Variants in GLYATL2 observed in about 807,000 individuals in gnomAD.
The protein encoded by GLYATL2 is glycine-N-acyltransferase like 2.
GLYATL2 carries 25 observed loss-of-function variants against 21.4 expected under a neutral mutation model. The observed-to-expected ratio is 1.17, with a 90% CI of 0.85 to 1.63. GLYATL2 has a LOEUF of 1.63. Ranked by LOEUF, GLYATL2 falls within the 40% of genes most tolerant of loss-of-function variation. The pLI is 0.00. For missense variants in GLYATL2, 361 were observed against 343.3 expected, an observed-to-expected ratio of 1.05 and a Z score of -0.41; for synonymous variants, 114 against 118.2, an observed-to-expected ratio of 0.96 and a Z score of 0.23.
upstream of GLYATL2, among the ~76,000 whole-genome samples, chr11:58,848,864 C>A (rs1415356699): frequency 6.6e-6 from 1 of 152,122 alleles, no homozygotes; most frequent in Non-Finnish European, 1.5e-5. Flanking sequence ...AGTTGTAGAA[C>A]ACCAAGCAGA....
At chr11:58,886,404 T>C (rs1854440640) in intron 1 of GLYATL2, among the ~76,000 whole-genome samples, 1 of 152,174 alleles carries the variant, frequency 6.6e-6, no homozygotes, top group Admixed American at 6.5e-5. Context: ...ATCACATAGC[T>C]GCTGGATACC....
At position 58,839,630 on chromosome 11, in the gene GLYATL2, C is replaced by T; in HGVS notation, c.-18G>A. ...ACAAGCATCTTATGTAGCACTTCAG[C>T]TTCTTTCCCTCAAGAAGATGATCTA... On this transcript the variant is annotated 5_prime_UTR_variant, in exon 2 of 6. Transcript: ENST00000287275. 1.9e-6 allele frequency: 3 copies of T among 1,580,728 alleles called. No homozygotes were observed. Among genetic ancestry groups the T allele is most frequent in the Non-Finnish European group, 2.6e-6 (3 of 1,154,672 alleles).
chr11:58,863,454 C>T (rs1853967780), intron 1 of GLYATL2, among the ~76,000 whole-genome samples: 1 of 152,190 alleles, frequency 6.6e-6, no homozygotes, highest in Admixed American at 6.5e-5. Flanking sequence ...CTAGAGCCTT[C>T]ATCCATGATG....
At chr11:58,901,896 A>G (rs887331489) in intron 1 of GLYATL2, among the ~76,000 whole-genome samples, 16 of 152,134 alleles carry the variant, frequency 1.1e-4, no homozygotes, top group Admixed American at 9.8e-4. Context: ...ATGAGGATGG[A>G]AGTGAAGTCA....
At chr11:58,854,446 T>C (rs1051487700) in intron 1 of GLYATL2, among the ~76,000 whole-genome samples, 11 of 152,238 alleles carry the variant, frequency 7.2e-5, no homozygotes, top group Non-Finnish European at 1.5e-5. Flanking sequence ...CCAATTGCAT[T>C]ATGTCTTTAA....
At chr11:58,903,250 G>T (rs73481071) in intron 1 of GLYATL2, among the ~76,000 whole-genome samples, 8,641 of 152,186 alleles carry the variant, frequency 0.057, 606 homozygotes, top group African/African-American at 0.17. Flanking sequence ...AGTGGTTCAA[G>T]GGGAGGTAAA....
intron 1 of GLYATL2, among the ~76,000 whole-genome samples, chr11:58,886,355 C>G (rs1176843408): frequency 6.6e-6 from 1 of 152,172 alleles, no homozygotes; most frequent in Non-Finnish European, 1.5e-5. Flanking sequence ...ATTAATATTT[C>G]CAATTTAGAG....
At chr11:58,908,700 C>T (rs185279329), upstream of GLYATL2, 10 of 152,358 alleles carry the variant, frequency 6.6e-5, no homozygotes, top group Middle Eastern at 3.4e-3. Context: ...CACATAAGTG[C>T]TTGTGTAAAG....
At chr11:58,858,790 A>G (rs1223438074) in intron 1 of GLYATL2, among the ~76,000 whole-genome samples, 3 of 152,322 alleles carry the variant, frequency 2.0e-5, no homozygotes, top group South Asian at 4.1e-4. Context: ...AGGAATACCT[A>G]CAGCTTCTGG....
intron 1 of GLYATL2, among the ~76,000 whole-genome samples, chr11:58,862,319 A>T (rs907382658): frequency 3.3e-5 from 5 of 152,266 alleles, no homozygotes; most frequent in African/African-American, 1.2e-4. Context: ...AAACACTTTT[A>T]ATGTTCCTAT....
At chr11:58,883,284 T>C (rs1471330433) in intron 1 of GLYATL2, among the ~76,000 whole-genome samples, 1 of 152,116 alleles carries the variant, frequency 6.6e-6, no homozygotes, top group East Asian at 1.9e-4. Flanking sequence ...CAGGAGCTGG[T>C]TTTTTGAAAA....
chr11:58,865,487 G>C (rs377447698), intron 1 of GLYATL2, among the ~76,000 whole-genome samples: 4 of 149,004 alleles, frequency 2.7e-5, no homozygotes, highest in African/African-American at 9.7e-5. Context: ...GATATTTGGA[G>C]CCACAAAATG....
At chr11:58,864,194 A>C (rs1432566227) in intron 1 of GLYATL2, among the ~76,000 whole-genome samples, 2 of 152,122 alleles carry the variant, frequency 1.3e-5, no homozygotes, top group African/African-American at 4.8e-5. Flanking sequence ...ATCTATGGAC[A>C]CTGGCCTGGT....
intron 1 of GLYATL2, among the ~76,000 whole-genome samples, chr11:58,858,270 T>C (rs1345821620): frequency 7.2e-5 from 11 of 152,202 alleles, no homozygotes; most frequent in Non-Finnish European, 1.3e-4. Flanking sequence ...GAGATGAGCC[T>C]ACTTTGGAAA....
rs183192750 is a variant in GLYATL2 at position 58,834,292 on chromosome 11, C to G, written c.*137G>C. On this transcript the variant is annotated 3_prime_UTR_variant, in exon 6 of 6. Coordinates refer to ENST00000287275, the MANE Select transcript of GLYATL2 (RefSeq NM_145016.4). ...AATACAGAGGAGAAGGAAGGTAAAA[C>G]TGTTAAGGGTGAGCTTAAGTAATAC... is the stretch of plus-strand genomic sequence containing the variant. The G allele has an allele frequency of 1.6e-6, 1 of 618,382 alleles. No homozygotes were observed. The highest frequency in any genetic ancestry group is 2.9e-5 in the South Asian group (1 of 34,660). 38.3% of individuals were successfully genotyped at this position (618,382 alleles called of 1,614,324 possible). A position where few individuals can be genotyped will look rare whatever the true frequency, so the allele number is the denominator to read the frequency against.
upstream of GLYATL2, among the ~76,000 whole-genome samples, chr11:58,848,276 C>T (rs1853679093): frequency 6.6e-6 from 1 of 152,120 alleles, no homozygotes; most frequent in South Asian, 2.1e-4. Flanking sequence ...ACACCTAACT[C>T]TTCAGTGCTC....
At chr11:58,905,178 G>T (rs926037827), upstream of GLYATL2, among the ~76,000 whole-genome samples, 9 of 152,348 alleles carry the variant, frequency 5.9e-5, no homozygotes, top group East Asian at 1.7e-3. Flanking sequence ...CTGGGAAACA[G>T]GCCTAAGCAG....
chr11:58,885,674 T>G (rs606262), intron 1 of GLYATL2: 226,234 of 252,692 alleles, frequency 0.9, 102,863 homozygotes, highest in Non-Finnish European at 0.96. Context: ...CTTCAGTACT[T>G]GGCACCTTGC....
chr11:58,834,632 T>C lies in GLYATL2; in HGVS notation c.682A>G (p.Thr228Ala). The C allele has an allele frequency of 1.9e-6, 3 of 1,613,458 alleles. No individual in the cohort carries two copies. Among genetic ancestry groups the C allele is most frequent in the Non-Finnish European group, 2.5e-6 (3 of 1,179,812 alleles). The change falls in exon 6 of 6, where the codon ACT (threonine) becomes GCT (alanine). Residue 228 changes from threonine (T) to alanine (A), a missense_variant. Transcript: ENST00000287275. ...CCTTGGTGTCTGTATTTGGGGACAG[T>C]ATAACCCATTCTCAACTCACAGGAC... ...EQSCELRMGY[T>A]VPKYRHQGNM...
Sources: allele counts gnomAD v4.1 joint callset (sites outside exome capture counted in the v4.1 genomes callset), GRCh38; gene constraint gnomAD v4.1.1; transcripts MANE v1.5; gene names NCBI Gene and HGNC (gene_info 2026-07-23, HGNC 2026-07-21).